Variants in GTPBP8 observed in about 807,000 individuals in gnomAD.
The protein encoded by GTPBP8 is GTP binding protein 8.
In GTPBP8, 21 loss-of-function variants were observed where a neutral mutation model predicts 27.3. That is an observed-to-expected ratio of 0.77 (90% confidence interval 0.55 to 1.11). The LOEUF is 1.11. GTPBP8 is among the 50% of genes least tolerant of loss of function. GTPBP8 has a pLI of 0.00. For missense variants in GTPBP8, 380 were observed against 350.8 expected, an observed-to-expected ratio of 1.08 and a Z score of -0.67; for synonymous variants, 147 against 135.3, an observed-to-expected ratio of 1.09 and a Z score of -0.60.
chr3:112,991,283 A>G lies in GTPBP8; in HGVS notation c.284A>G (p.Tyr95Cys), dbSNP rs756748221. 2 of 1,613,500 alleles carry G rather than the reference A, an allele frequency of 1.2e-6. No homozygotes were observed. Among genetic ancestry groups the G allele is most frequent in the Middle Eastern group, 1.6e-4 (1 of 6,062 alleles). The change falls in exon 1 of 6, where the codon TAC (tyrosine) becomes TGC (cysteine). Residue 95 changes from tyrosine (Y) to cysteine (C), a missense_variant. Physicochemically the swap from Tyr to Cys is radical, Grantham distance 194. Coordinates refer to ENST00000383678, the MANE Select transcript of GTPBP8 (RefSeq NM_014170.4). ...GCCACTGAACGGAACCGCATCGACT[A>G]CGTCAGCTCCGCCGTCCGTATCGAC... ...FTATERNRID[Y>C]VSSAVRIDHA...
At chr3:112,993,305 G>A (rs543827425) in intron 2 of GTPBP8, among the ~76,000 whole-genome samples, 181 bp downstream of exon 2, 1 of 151,864 alleles carries the variant, frequency 6.6e-6, no homozygotes, top group African/African-American at 2.4e-5. Context: ...AGGAAGTGTA[G>A]CTGGATTTAT....
Position 112,999,547 on chromosome 3 carries a change from T to A in GTPBP8, c.768T>A (p.Pro256=). 7.1e-7 allele frequency: 1 copy of A among 1,401,946 alleles called. No homozygotes were observed. Among genetic ancestry groups the A allele is most frequent in the Non-Finnish European group, 9.9e-7 (1 of 1,009,626 alleles). 86.8% of individuals were successfully genotyped at this position (1,401,946 alleles called of 1,614,324 possible). A position where few individuals can be genotyped will look rare whatever the true frequency, so the allele number is the denominator to read the frequency against. Residue 256 remains proline (P), a synonymous_variant, in exon 5 of 6, where the codon CCT becomes CCA. Coordinates refer to ENST00000383678, the MANE Select transcript of GTPBP8 (RefSeq NM_014170.4). ...FVNMKTQGCF[P]QLFPVSAVTF... ...ACATGAAAACTCAAGGATGTTTTCC[T>A]CAGTTGTTTCCTGTAAGGTAAGAGT...
intron 5 of GTPBP8, among the ~76,000 whole-genome samples, chr3:113,000,436 T>C (rs560823733): frequency 1.3e-5 from 2 of 152,222 alleles, no homozygotes; most frequent in South Asian, 4.1e-4. Context: ...CTGATCTCCA[T>C]ACGGACGGAC....
rs1428183125 is a variant in GTPBP8, at chr3:113,001,611, T to C, written c.*692T>C. On this transcript the variant is annotated 3_prime_UTR_variant, in exon 6 of 6. Transcript: ENST00000383678. The stretch of plus-strand genomic sequence containing the variant: ...TAACATGTGAGAAGACAGCTACATA[T>C]TTGTAAAGCCAAACCAACAAAGAAA... The C allele has an allele frequency of 1.9e-4, 29 of 152,216 alleles. No individual in the cohort carries two copies. 9.4% of individuals were successfully genotyped at this position (152,216 alleles called of 1,614,324 possible).
At chr3:112,999,586 T>G in intron 5 of GTPBP8, 22 bp downstream of exon 5, 1 of 960,714 alleles carries the variant, frequency 1.0e-6, no homozygotes, top group African/African-American at 1.7e-5. Context: ...ATTGTTTTGT[T>G]TTTTGTTTTT....
intron 4 of GTPBP8, among the ~76,000 whole-genome samples, chr3:112,997,753 G>A (rs1933812786): frequency 2.0e-5 from 3 of 152,110 alleles, no homozygotes; most frequent in Admixed American, 2.0e-4. Flanking sequence ...GGAATTCTTG[G>A]GGTCTGCAAA....
chr3:112,997,000 T>G lies in GTPBP8; in HGVS notation c.666+9T>G, dbSNP rs374400036. The G allele has an allele frequency of 1.7e-6, 2 of 1,190,956 alleles. No homozygotes were observed. The highest frequency in any genetic ancestry group is 2.5e-6 in the Non-Finnish European group (2 of 796,874). The allele number at this position is 1,190,956 out of a possible 1,614,324, so 73.8% of individuals were successfully genotyped here. On this transcript the variant is annotated intron_variant, in intron 4 of 5. Coordinates refer to ENST00000383678, the MANE Select transcript of GTPBP8 (RefSeq NM_014170.4). ...TTGCATTACCTTATGTGGTAAGTAC[T>G]TCCTTTGAATCATGGTTGCAATTAG...
intron 3 of GTPBP8, among the ~76,000 whole-genome samples, chr3:112,995,725 C>T (rs183235156): frequency 1.7e-4 from 26 of 151,910 alleles, no homozygotes; most frequent in African/African-American, 6.3e-4. Context: ...TTAGTAGAGA[C>T]AGGGTTTCAC....
At position 112,991,155 on chromosome 3, in the gene GTPBP8, G is replaced by A; in HGVS notation, c.156G>A (p.Gln52=). The A allele has an allele frequency of 6.2e-7, 1 of 1,614,144 alleles. No homozygotes were observed. Among genetic ancestry groups the A allele is most frequent in the Non-Finnish European group, 8.5e-7 (1 of 1,180,034 alleles). Residue 52 remains glutamine, a synonymous_variant, in exon 1 of 6, where the codon CAG becomes CAA. Transcript: ENST00000383678. ...TGAGGAAGCTGCTGTACCCGCTGCA[G>A]GAAGTAGAGCGGTTCCTCGCCCCCT... ...QQLRKLLYPL[Q]EVERFLAPYG... is the part of the protein sequence containing the mutation.
At chr3:112,994,423 C>CA (rs57931589) in intron 2 of GTPBP8, among the ~76,000 whole-genome samples, 2,836 of 108,402 alleles carry the variant, frequency 0.026, 63 homozygotes, top group African/African-American at 0.064. Flanking sequence ...AACTCTGTCT[C>CA]AAAAAAAAAA....
At chr3:112,993,197 T>C in intron 2 of GTPBP8, 73 bp downstream of exon 2, 1 of 795,256 alleles carries the variant, frequency 1.3e-6, no homozygotes, top group South Asian at 1.6e-5. Flanking sequence ...TGCTGGAAGG[T>C]ATAAGAAATC....
rs749091904 is a variant in GTPBP8 at position 112,991,328 on chromosome 3, G to T, written c.329G>T (p.Arg110Leu). The T allele has an allele frequency of 2.5e-6, 4 of 1,613,364 alleles. No individual in the cohort carries two copies. In the African/African-American group the frequency reaches 5.3e-5, roughly 22 times the overall value. ...VRIDHAPDLP[R>L]PEVCFIGRSN... is the part of the protein sequence containing the mutation. ...ATCGACCACGCCCCGGACCTTCCGC[G>T]GCCAGAGGTGAGAGGCGATTCTCAC... The change falls in exon 1 of 6, where the codon CGG becomes CTG. Residue 110 changes from arginine to leucine, a missense_variant. Transcript: ENST00000383678.
Position 112,991,324 on chromosome 3 carries a change from C to A in GTPBP8, c.325C>A (p.Pro109Thr). The change falls in exon 1 of 6, where the codon CCG (proline) becomes ACG (threonine). Residue 109 changes from proline (P) to threonine (T), a missense_variant. Pro to Thr is a conservative substitution (Grantham distance 38). Coordinates refer to ENST00000383678, the MANE Select transcript of GTPBP8 (RefSeq NM_014170.4). Reference sequence around the variant, plus strand: ...CCGTATCGACCACGCCCCGGACCTTCCGCGGCCAGAGGTGAGAGGCGATTC... The same window carrying A: ...CCGTATCGACCACGCCCCGGACCTTACGCGGCCAGAGGTGAGAGGCGATTC... ...AVRIDHAPDL[P>T]RPEVCFIGRS... 1 of 1,613,598 alleles carries A rather than the reference C, an allele frequency of 6.2e-7. No individual in the cohort carries two copies. Among genetic ancestry groups the A allele is most frequent in the Non-Finnish European group, 8.5e-7 (1 of 1,180,000 alleles).
At chr3:113,000,088 A>C (rs1385397237) in intron 5 of GTPBP8, among the ~76,000 whole-genome samples, 1 of 152,198 alleles carries the variant, frequency 6.6e-6, no homozygotes, top group Non-Finnish European at 1.5e-5. Flanking sequence ...GTGTCACTTA[A>C]AACTAGAGAC....
At chr3:112,993,540 C>T (rs950148592) in intron 2 of GTPBP8, among the ~76,000 whole-genome samples, 1 of 152,182 alleles carries the variant, frequency 6.6e-6, no homozygotes, top group Non-Finnish European at 1.5e-5. Context: ...ACACATTCGG[C>T]ATATTCTTAT....
intron 4 of GTPBP8, among the ~76,000 whole-genome samples, chr3:112,998,099 A>G (rs1021428261): frequency 2.0e-5 from 3 of 152,206 alleles, no homozygotes; most frequent in African/African-American, 7.2e-5. Context: ...TGGGAAAAAC[A>G]CTGGAACCAT....
chr3:112,991,166 G>C lies in GTPBP8; in HGVS notation c.167G>C (p.Arg56Pro), dbSNP rs1933663721. ...CTGTACCCGCTGCAGGAAGTAGAGC[G>C]GTTCCTCGCCCCCTACGGGAGGCAA... ...KLLYPLQEVE[R>P]FLAPYGRQDL... Residue 56 changes from arginine (R) to proline (P), a missense_variant, in exon 1 of 6, where the codon CGG becomes CCG. Physicochemically the swap from Arg to Pro is moderately radical, Grantham distance 103. Coordinates refer to ENST00000383678, the MANE Select transcript of GTPBP8 (RefSeq NM_014170.4). 1 of 1,614,124 alleles carries C rather than the reference G, an allele frequency of 6.2e-7. No homozygotes were observed. Among genetic ancestry groups the C allele is most frequent in the Non-Finnish European group, 8.5e-7 (1 of 1,180,018 alleles).
Position 113,000,891 on chromosome 3 carries a change from T to C in GTPBP8, c.827T>C (p.Ile276Thr), listed in dbSNP as rs1223175761. The C allele has an allele frequency of 1.3e-6, 2 of 1,595,830 alleles. No individual in the cohort carries two copies. The highest frequency in any genetic ancestry group is 1.7e-5 in the Admixed American group (1 of 59,464). ...GGAATCCACCTGTTGAGATGCTTTA[T>C]AGCCAGTGTAACAGGAAGTCTTGAC... ...FSGIHLLRCF[I>T]ASVTGSLD Residue 276 changes from isoleucine to threonine, a missense_variant, in exon 6 of 6, where the codon ATA becomes ACA. Ile to Thr is a moderately conservative substitution (Grantham distance 89, BLOSUM62 -1). Coordinates refer to ENST00000383678, the MANE Select transcript of GTPBP8 (RefSeq NM_014170.4).
rs1438281793 is a variant in GTPBP8 at position 113,001,305 on chromosome 3, T to C, written c.*386T>C. On this transcript the variant is annotated 3_prime_UTR_variant, in exon 6 of 6. Coordinates refer to ENST00000383678, the MANE Select transcript of GTPBP8 (RefSeq NM_014170.4). ...TTTTTAAATGTTAAAATGGGCTAGGTAAAAGGGGGCTGCTTTTCTGTTAAG... is the reference window on the plus strand; with the variant it reads ...TTTTTAAATGTTAAAATGGGCTAGGCAAAAGGGGGCTGCTTTTCTGTTAAG... The C allele has an allele frequency of 6.5e-6, 1 of 154,462 alleles. No homozygotes were observed. The highest frequency in any genetic ancestry group is 1.4e-5 in the Non-Finnish European group (1 of 69,776). 9.6% of individuals were successfully genotyped at this position (154,462 alleles called of 1,614,324 possible).
Sources: allele counts gnomAD v4.1 joint callset (sites outside exome capture counted in the v4.1 genomes callset), GRCh38; gene constraint gnomAD v4.1.1; transcripts MANE v1.5; gene names NCBI Gene and HGNC (gene_info 2026-07-23, HGNC 2026-07-21).